Variants in RPRD2 observed in about 807,000 individuals in gnomAD.
RPRD2 encodes the protein regulation of nuclear pre-mRNA domain-containing protein 2.
Under a neutral mutation model 104.4 loss-of-function variants are expected in RPRD2, and 12 were observed. The ratio of observed to expected loss-of-function variants is 0.11; its 90% confidence interval spans 0.07 to 0.19. The LOEUF (loss-of-function observed/expected upper bound fraction) is 0.19. RPRD2 is among the 10% of genes least tolerant of loss of function. The pLI, the probability that RPRD2 is intolerant of heterozygous loss-of-function variation, is 1.00. For missense variants in RPRD2, 1,543 were observed against 1,790.1 expected (o/e 0.86, Z 2.49); for synonymous variants, 714 against 684.9 (o/e 1.04, Z -0.66).
At chr1:150,449,041 G>C (rs1666984876) in intron 7 of RPRD2, among the ~76,000 whole-genome samples, 1 of 152,256 alleles carries the variant, frequency 6.6e-6, no homozygotes, top group South Asian at 2.1e-4. Flanking sequence ...GAGGTAGGAG[G>C]ATCACTTGAG....
rs747729183 is a variant in RPRD2 at position 150,472,099 on chromosome 1, G to A, written c.3151G>A (p.Ala1051Thr). ...LSNLTQPSLT[A>T]TDQQQQEEHY... Reference sequence around the variant, plus strand: ...AAACCTCACCCAACCCAGCTTGACCGCCACTGATCAGCAGCAACAAGAAGA... The same window carrying A: ...AAACCTCACCCAACCCAGCTTGACCACCACTGATCAGCAGCAACAAGAAGA... Residue 1051 changes from alanine to threonine, a missense_variant, in exon 11 of 11, where the codon GCC (alanine) becomes ACC (threonine). Transcript: ENST00000369068. The A allele has an allele frequency of 3.1e-5, 50 of 1,613,808 alleles. No individual in the cohort carries two copies. The Middle Eastern group carries it at 1.6e-3, about 53-fold the overall frequency.
intron 2 of RPRD2, among the ~76,000 whole-genome samples, chr1:150,440,127 G>A (rs1356055953): frequency 7.9e-5 from 12 of 152,024 alleles, no homozygotes; most frequent in African/African-American, 2.9e-4. Context: ...TTCATTTTTA[G>A]TAGAGATAAG....
At position 150,384,912 on chromosome 1, in the gene RPRD2, G is replaced by T. The variant is rs587741903; in HGVS notation, c.205+19993G>T. Among the ~76,000 whole-genome samples the T allele has an allele frequency of 2.0e-5, 3 of 152,090 alleles. No homozygotes were observed. The South Asian group carries it at 6.2e-4, about 32-fold the overall frequency. ...GGCGTGTGAAGTCCCAGCTAGTTGG[G>T]AGACTAAAGCAGAAAAATCACTCAG... On this transcript the variant is annotated intron_variant, in intron 1 of 10. Coordinates refer to ENST00000369068, the MANE Select transcript of RPRD2 (RefSeq NM_015203.5).
intron 4 of RPRD2, among the ~76,000 whole-genome samples, chr1:150,442,416 C>G (rs1272895907): frequency 1.3e-5 from 2 of 152,112 alleles, no homozygotes; most frequent in East Asian, 3.9e-4. Context: ...ACCTCAGATC[C>G]TGGCCAGAAG....
chr1:150,386,123 TTTTA>T (rs1479572757), intron 1 of RPRD2, among the ~76,000 whole-genome samples: 1 of 152,166 alleles, frequency 6.6e-6, no homozygotes, highest in Admixed American at 6.5e-5. Context: ...TCTTACCTAT[TTTTA>T]TTTATTTATT....
intron 1 of RPRD2, among the ~76,000 whole-genome samples, chr1:150,394,732 C>T (rs1164598102): frequency 6.6e-6 from 1 of 152,130 alleles, no homozygotes; most frequent in Non-Finnish European, 1.5e-5. Context: ...GTGGTGCACA[C>T]CACCATGCCT....
chr1:150,379,425 C>T (rs184169296), intron 1 of RPRD2, among the ~76,000 whole-genome samples: 29 of 149,788 alleles, frequency 1.9e-4, no homozygotes, highest in African/African-American at 6.4e-4. Flanking sequence ...TTTTTGAGAC[C>T]GAGTTTTGCT....
At position 150,457,492 on chromosome 1, in the gene RPRD2, C is replaced by T. The variant is rs1553897867; in HGVS notation, c.1075C>T (p.Pro359Ser). The T allele has an allele frequency of 6.2e-7, 1 of 1,613,100 alleles. No homozygotes were observed. The highest frequency in any genetic ancestry group is 1.3e-5 in the African/African-American group (1 of 74,858). The change falls in exon 8 of 11, where the codon CCT (proline) becomes TCT (serine). Residue 359 changes from proline to serine, a missense_variant. Pro to Ser is a moderately conservative substitution (Grantham distance 74, BLOSUM62 -1). Transcript: ENST00000369068. ...PTMESEKSAT[P>S]EPVTDNRDVE... ...CATGGAGAGTGAGAAATCTGCCACA[C>T]CTGAACCTGTGACAGATAATCGTGA...
At position 150,464,561 on chromosome 1, in the gene RPRD2, G is replaced by T; in HGVS notation, c.1446G>T (p.Thr482=). 2 of 1,603,786 alleles carry T rather than the reference G, an allele frequency of 1.2e-6. No individual in the cohort carries two copies. The highest frequency in any genetic ancestry group is 1.7e-6 in the Non-Finnish European group (2 of 1,175,170). The stretch of plus-strand genomic sequence containing the variant: ...CTGCATCAAGACCTTCTCCAGGAAC[G>T]CCCACCAGCCCCAGCAACCTCACCA... ...VSPASRPSPG[T]PTSPSNLTSG... The change falls in exon 10 of 11, where the codon ACG becomes ACT. Residue 482 remains threonine, a synonymous_variant. Transcript: ENST00000369068.
chr1:150,364,474 A>G lies in RPRD2; in HGVS notation c.-241A>G, dbSNP rs1553876751. On this transcript the variant is annotated 5_prime_UTR_variant, in exon 1 of 11. It adds an upstream start codon to the 5' untranslated region. Transcript: ENST00000369068. Reference sequence around the variant, plus strand: ...GTTTAAACACGACCCCTTGAACAATATTGATAAAACCTCCGAGACCCGCAG... The same window carrying G: ...GTTTAAACACGACCCCTTGAACAATGTTGATAAAACCTCCGAGACCCGCAG... Among the ~76,000 whole-genome samples the G allele has an allele frequency of 6.6e-6, 1 of 151,874 alleles. No individual in the cohort carries two copies. Among genetic ancestry groups the G allele is most frequent in the Non-Finnish European group, 1.5e-5 (1 of 67,960 alleles).
chr1:150,419,504 T>C (rs1046008052), intron 2 of RPRD2, among the ~76,000 whole-genome samples: 1 of 152,232 alleles, frequency 6.6e-6, no homozygotes, highest in Non-Finnish European at 1.5e-5. Flanking sequence ...AGTAAATAAG[T>C]GCATAAAATA....
At position 150,436,324 on chromosome 1, in the gene RPRD2, G is replaced by A. The variant is rs587614957; in HGVS notation, c.336-4599G>A. On this transcript the variant is annotated intron_variant, in intron 2 of 10. Coordinates refer to ENST00000369068, the MANE Select transcript of RPRD2 (RefSeq NM_015203.5). ...GTTGTTTAAGAAATACAAACCGGCC[G>A]GGCATGGTGGCTCATGCCTGTAATC... Among the ~76,000 whole-genome samples the A allele has an allele frequency of 1.3e-3, 204 of 152,264 alleles. 3 individuals carry two copies. The South Asian group carries it at 0.028, about 21-fold the overall frequency.
intron 1 of RPRD2, among the ~76,000 whole-genome samples, chr1:150,392,832 A>G (rs1327876197): frequency 1.3e-5 from 2 of 152,050 alleles, no homozygotes; most frequent in Non-Finnish European, 2.9e-5. Flanking sequence ...GTAGAGCAAG[A>G]CCCTGTCTAG....
In RPRD2 at chr1:150,443,281, C is replaced by A; in HGVS notation, c.565C>A (p.Arg189=). Residue 189 remains arginine, a splice_region_variant and synonymous_variant, in exon 5 of 11, where the codon CGA becomes AGA. Coordinates refer to ENST00000369068, the MANE Select transcript of RPRD2 (RefSeq NM_015203.5). The part of the protein sequence containing the change: ...ALKSKIVAEF[R]SQALIEELLL... The stretch of plus-strand genomic sequence containing the variant: ...CAAGTCTAAGATAGTTGCTGAATTT[C>A]GAGTAAGTTACAGAATTTGTTTAAT... 1.3e-6 allele frequency: 2 copies of A among 1,567,472 alleles called. No individual in the cohort carries two copies. Among genetic ancestry groups the A allele is most frequent in the South Asian group, 2.3e-5 (2 of 85,310 alleles).
At chr1:150,375,412 C>A (rs1660618400) in intron 1 of RPRD2, among the ~76,000 whole-genome samples, 1 of 152,150 alleles carries the variant, frequency 6.6e-6, no homozygotes, top group African/African-American at 2.4e-5. Context: ...AGGAAAATTA[C>A]AATAGCAGTG....
chr1:150,416,872 CA>C (rs782463847), intron 1 of RPRD2, among the ~76,000 whole-genome samples: 51 of 72,444 alleles, frequency 7.0e-4, no homozygotes, highest in South Asian at 3.9e-3. Flanking sequence ...ACTCCATCTC[CA>C]AAAAAAAAAA....
chr1:150,384,163 T>A (rs1263563723), intron 1 of RPRD2, among the ~76,000 whole-genome samples: 1 of 152,136 alleles, frequency 6.6e-6, no homozygotes, highest in Non-Finnish European at 1.5e-5. Context: ...TTTAGCCATC[T>A]CATGTGACTA....
chr1:150,387,026 T>G (rs1661615429), intron 1 of RPRD2, among the ~76,000 whole-genome samples: 1 of 152,238 alleles, frequency 6.6e-6, no homozygotes, highest in African/African-American at 2.4e-5. Context: ...TTAATGGTAG[T>G]AAATGAGAAA....
intron 2 of RPRD2, among the ~76,000 whole-genome samples, chr1:150,424,705 G>A (rs1664998287): frequency 6.6e-6 from 1 of 152,162 alleles, no homozygotes; most frequent in African/African-American, 2.4e-5. Flanking sequence ...AGATTTTTCT[G>A]ACTCTCAGTC....
Sources: gnomAD v4.1 joint callset for allele counts (sites outside exome capture counted in the v4.1 genomes callset) on GRCh38, gnomAD v4.1.1 for gene constraint, MANE v1.5 for transcripts, NCBI Gene and HGNC (gene_info 2026-07-23, HGNC 2026-07-21) for gene names.